XKR4: variants seen among roughly 807,000 people sequenced by gnomAD.
The protein encoded by XKR4 is XK related 4, also known as XK-related protein 4.
Under a neutral mutation model 53.9 loss-of-function variants are expected in XKR4, and 12 were observed. The observed-to-expected ratio is 0.22, with a 90% confidence interval of 0.14 to 0.36. The LOEUF (loss-of-function observed/expected upper bound fraction) is 0.36, where lower values mean the gene tolerates loss of function less well. XKR4 is among the 10% of genes least tolerant of loss of function. The probability of loss-of-function intolerance (pLI) is 1.00; values close to 1 mark genes in which losing one functional copy is unlikely to be tolerated. For missense variants in XKR4, 799 were observed against 859.5 expected, an observed-to-expected ratio of 0.93 and a Z score of 0.88; for synonymous variants, 354 against 362.4, an observed-to-expected ratio of 0.98 and a Z score of 0.26.
At chr8:55,270,461 G>A (rs180772008) in intron 1 of XKR4, among the ~76,000 whole-genome samples, 2 of 152,310 alleles carry the variant, frequency 1.3e-5, no homozygotes, top group Admixed American at 1.3e-4. Context: ...CAGTGTGTCA[G>A]ACCCAGCTCT....
In XKR4 at chr8:55,461,411, G is replaced by A. The variant is rs1805655727; in HGVS notation, c.1007-61870G>A. Among the ~76,000 whole-genome samples the A allele has an allele frequency of 2.6e-5, 4 of 152,348 alleles. No homozygotes were observed. The South Asian group carries it at 8.3e-4, about 32-fold the overall frequency. On this transcript the variant is annotated intron_variant, in intron 2 of 2. Coordinates refer to ENST00000327381, the MANE Select transcript of XKR4 (RefSeq NM_052898.2). ...AACTGCAACAGACCTGCAGCTGAGGGTCCTGACTGTTAGAAGGAAAACTAA... is the reference window on the plus strand; with the variant it reads ...AACTGCAACAGACCTGCAGCTGAGGATCCTGACTGTTAGAAGGAAAACTAA...
chr8:55,538,756 T>C lies in XKR4; in HGVS notation c.*14529T>C, dbSNP rs1350081862. On this transcript the variant is annotated 3_prime_UTR_variant, in exon 3 of 3. Transcript: ENST00000327381. ...CTGTACTCATGATCACCAGGTGGCG[T>C]TCTGAAATCCACTACTGGGGAAAGA... 6.6e-6 allele frequency: 1 copy of C among 152,176 alleles called. No individual in the cohort carries two copies. The highest frequency in any genetic ancestry group is 2.1e-4 in the South Asian group (1 of 4,826). 9.4% of individuals were successfully genotyped at this position (152,176 alleles called of 1,614,324 possible).
chr8:55,197,491 A>G (rs1817519627), intron 1 of XKR4, among the ~76,000 whole-genome samples: 1 of 152,002 alleles, frequency 6.6e-6, no homozygotes, highest in Admixed American at 6.5e-5. Context: ...TGAGCTTTCT[A>G]TTTTAAACTT....
chr8:55,247,649 G>A (rs16921496), intron 1 of XKR4, among the ~76,000 whole-genome samples: 37,328 of 151,610 alleles, frequency 0.25, 5,064 homozygotes, highest in East Asian at 0.5. Context: ...TTGAACTCCC[G>A]AGTCACCTTC....
intron 2 of XKR4, among the ~76,000 whole-genome samples, chr8:55,488,192 T>A (rs1039709882): frequency 6.6e-6 from 1 of 152,064 alleles, no homozygotes; most frequent in Non-Finnish European, 1.5e-5. Flanking sequence ...ATGGCAGAAA[T>A]CCAAAATACT....
At chr8:55,211,013 G>A (rs1817723223) in intron 1 of XKR4, among the ~76,000 whole-genome samples, 1 of 152,144 alleles carries the variant, frequency 6.6e-6, no homozygotes, top group Non-Finnish European at 1.5e-5. Context: ...GTCTTTCTTA[G>A]CTATGCAGCT....
intron 2 of XKR4, among the ~76,000 whole-genome samples, chr8:55,435,265 G>T (rs1012769152): frequency 6.6e-6 from 1 of 152,122 alleles, no homozygotes; most frequent in Non-Finnish European, 1.5e-5. Context: ...TTGAATCGTT[G>T]CTCCTTATTA....
In XKR4 at chr8:55,433,577, G is replaced by A. The variant is rs555300473; in HGVS notation, c.1006+75700G>A. Among the ~76,000 whole-genome samples, 4 of 152,302 alleles carry A rather than the reference G, an allele frequency of 2.6e-5. 1 individual carries two copies. Among genetic ancestry groups the A allele is most frequent in the African/African-American group, 9.6e-5 (4 of 41,576 alleles). On this transcript the variant is annotated intron_variant, in intron 2 of 2. Coordinates refer to ENST00000327381, the MANE Select transcript of XKR4 (RefSeq NM_052898.2). Reference sequence around the variant, plus strand: ...GAGTCTATTTCACCCAAGAAAAAAGGCATTGTCACCTCTTCAAAGGGAAAA... The same window carrying A: ...GAGTCTATTTCACCCAAGAAAAAAGACATTGTCACCTCTTCAAAGGGAAAA...
intron 1 of XKR4, among the ~76,000 whole-genome samples, chr8:55,275,812 T>C (rs1187844543): frequency 1.3e-5 from 2 of 152,150 alleles, no homozygotes; most frequent in African/African-American, 4.8e-5. Flanking sequence ...GAATAAGTGT[T>C]GATCCTAAGT....
chr8:55,213,097 A>G (rs924675220), intron 1 of XKR4, among the ~76,000 whole-genome samples: 1 of 152,134 alleles, frequency 6.6e-6, no homozygotes, highest in African/African-American at 2.4e-5. Context: ...TTAACCATAA[A>G]CGTCTAGAAG....
chr8:55,317,848 G>A (rs991006614), intron 1 of XKR4, among the ~76,000 whole-genome samples: 3 of 152,172 alleles, frequency 2.0e-5, no homozygotes, highest in African/African-American at 7.2e-5. Context: ...CTAACATCAG[G>A]GGCTGAGACT....
intron 1 of XKR4, among the ~76,000 whole-genome samples, chr8:55,214,951 A>G (rs1264790682): frequency 1.3e-5 from 2 of 152,174 alleles, no homozygotes; most frequent in Non-Finnish European, 2.9e-5. Flanking sequence ...TCTCCAGGGT[A>G]TGTGTCTTTA....
intron 1 of XKR4, among the ~76,000 whole-genome samples, chr8:55,318,304 A>G (rs113976396): frequency 3.9e-5 from 6 of 152,354 alleles, no homozygotes; most frequent in African/African-American, 1.4e-4. Context: ...AGCATTATAA[A>G]TATCTCAAAC....
At chr8:55,460,121 T>C (rs1192942294) in intron 2 of XKR4, among the ~76,000 whole-genome samples, 1 of 151,228 alleles carries the variant, frequency 6.6e-6, no homozygotes, top group Non-Finnish European at 1.5e-5. Flanking sequence ...AACTGATAGA[T>C]ACAACAATAA....
At chr8:55,234,881 C>T (rs1818097751) in intron 1 of XKR4, among the ~76,000 whole-genome samples, 1 of 152,230 alleles carries the variant, frequency 6.6e-6, no homozygotes, top group Middle Eastern at 3.2e-3. Flanking sequence ...TGACCGGGAA[C>T]ATGAGCTCTG....
intron 2 of XKR4, among the ~76,000 whole-genome samples, chr8:55,488,049 G>T (rs1321001204): frequency 1.3e-5 from 2 of 152,180 alleles, no homozygotes; most frequent in African/African-American, 4.8e-5. Context: ...TTAGACATTA[G>T]TGCTTTTGAT....
rs541449034 is a variant in XKR4, at chr8:55,398,233, C to A, written c.1006+40356C>A. ...TCCCAGAAGTAGACCTGACCCCACA[C>A]CTGCTCACCCCAGAGCAACTTTAGA... On this transcript the variant is annotated intron_variant, in intron 2 of 2. Transcript: ENST00000327381. 4.6e-5 allele frequency among the ~76,000 whole-genome samples: 7 copies of A among 152,270 alleles called. No individual in the cohort carries two copies. The South Asian group carries it at 1.5e-3, about 32-fold the overall frequency.
chr8:55,521,241 C>T (rs1477158798), intron 2 of XKR4, among the ~76,000 whole-genome samples: 1 of 152,224 alleles, frequency 6.6e-6, no homozygotes, highest in Non-Finnish European at 1.5e-5. Flanking sequence ...ATATGAGCGG[C>T]TTCTATGCCC....
chr8:55,458,178 C>G (rs1331767240), intron 2 of XKR4, among the ~76,000 whole-genome samples: 1 of 152,084 alleles, frequency 6.6e-6, no homozygotes, highest in Non-Finnish European at 1.5e-5. Flanking sequence ...ATAGCCTAAA[C>G]AGTTTTGAAT....
Sources: gnomAD v4.1 joint callset for allele counts (sites outside exome capture counted in the v4.1 genomes callset) on GRCh38, gnomAD v4.1.1 for gene constraint, MANE v1.5 for transcripts, NCBI Gene and HGNC (gene_info 2026-07-23, HGNC 2026-07-21) for gene names.